The following ISM1 variants were observed in gnomAD, a reference collection of about 807,000 sequenced individuals.
The protein encoded by ISM1 is isthmin-1.
Under a neutral mutation model 46.3 loss-of-function variants are expected in ISM1, and 25 were observed. That is an observed-to-expected ratio of 0.54 (90% CI 0.39 to 0.75). ISM1 has a LOEUF of 0.75. ISM1 is among the 30% of genes least tolerant of loss of function. The probability of loss-of-function intolerance (pLI) is 0.00; values close to 1 mark genes in which losing one functional copy is unlikely to be tolerated. For synonymous variants in ISM1, 255 were observed against 256.7 expected (o/e 0.99, Z 0.06); for missense variants, 536 against 625.4 (o/e 0.86, Z 1.52).
At chr20:13,305,620 T>C (rs1389699923), downstream of ISM1, among the ~76,000 whole-genome samples, 1 of 152,190 alleles carries the variant, frequency 6.6e-6, no homozygotes, top group Non-Finnish European at 1.5e-5. Context: ...GAAACATACA[T>C]CCATGTCTAC....
chr20:13,236,963 C>T (rs1247174270), intron 1 of ISM1, among the ~76,000 whole-genome samples: 1 of 152,144 alleles, frequency 6.6e-6, no homozygotes, highest in Non-Finnish European at 1.5e-5. Context: ...TGCAAGCTGT[C>T]GGTAGATCTA....
At chr20:13,275,216 A>G (rs914343547) in intron 2 of ISM1, among the ~76,000 whole-genome samples, 5 of 151,602 alleles carry the variant, frequency 3.3e-5, no homozygotes, top group Non-Finnish European at 7.3e-5. Context: ...AAAAATAGTC[A>G]TGTAAAGGCC....
chr20:13,309,152 C>A, the ISM1 span, among the ~76,000 whole-genome samples: 1 of 151,940 alleles, frequency 6.6e-6, no homozygotes, highest in Non-Finnish European at 1.5e-5. Context: ...ATCTGGACAC[C>A]AACATACATA....
chr20:13,281,434 C>A (rs766560574), intron 3 of ISM1, among the ~76,000 whole-genome samples: 8 of 152,204 alleles, frequency 5.3e-5, no homozygotes, highest in Non-Finnish European at 1.2e-4. Context: ...TTAAATAGTA[C>A]TTACCATGCA....
intron 1 of ISM1, among the ~76,000 whole-genome samples, chr20:13,230,622 G>T (rs961121748): frequency 1.3e-5 from 2 of 152,062 alleles, no homozygotes; most frequent in African/African-American, 4.8e-5. Flanking sequence ...ACAGCTAAGA[G>T]TGTCCCTCTG....
intron 1 of ISM1, among the ~76,000 whole-genome samples, chr20:13,235,014 C>G (rs900270571): frequency 3.3e-5 from 5 of 152,168 alleles, no homozygotes; most frequent in Admixed American, 6.5e-5. Context: ...TTGCAGGTCC[C>G]AGAAAGCACT....
At chr20:13,252,569 G>T (rs1011445254) in intron 1 of ISM1, among the ~76,000 whole-genome samples, 1 of 152,058 alleles carries the variant, frequency 6.6e-6, no homozygotes, top group Non-Finnish European at 1.5e-5. Context: ...TGACCAACAT[G>T]GTGAAACCCC....
chr20:13,225,377 T>A (rs2039511354), intron 1 of ISM1, among the ~76,000 whole-genome samples: 1 of 152,206 alleles, frequency 6.6e-6, no homozygotes, highest in Admixed American at 6.5e-5. Context: ...CTTTTAACAA[T>A]TTACATTTTC....
At chr20:13,285,286 G>A (rs1261562581) in intron 3 of ISM1, among the ~76,000 whole-genome samples, 2 of 150,952 alleles carry the variant, frequency 1.3e-5, no homozygotes, top group Non-Finnish European at 2.9e-5. Context: ...GTGAAACCTC[G>A]AAACAGCTTA....
At chr20:13,227,384 T>C (rs2123125766) in intron 1 of ISM1, among the ~76,000 whole-genome samples, 1 of 151,662 alleles carries the variant, frequency 6.6e-6, no homozygotes, top group South Asian at 2.1e-4. Context: ...TTTGTATTTT[T>C]AGTGGAGACA....
At chr20:13,306,527 C>T in the ISM1 span, among the ~76,000 whole-genome samples, 7 of 126,716 alleles carry the variant, frequency 5.5e-5, no homozygotes, top group Non-Finnish European at 1.1e-4. Context: ...TCTGTTTTCA[C>T]CTTTGGAGAG....
the ISM1 span, among the ~76,000 whole-genome samples, chr20:13,321,156 C>T: frequency 1.3e-5 from 2 of 148,426 alleles, no homozygotes; most frequent in Non-Finnish European, 3.0e-5. Flanking sequence ...GAGCTGAGAT[C>T]ATGCCACTAC....
chr20:13,247,517 G>GTGTGTGTGT (rs1555810245), intron 1 of ISM1, among the ~76,000 whole-genome samples: 1 of 139,806 alleles, frequency 7.2e-6, no homozygotes, highest in African/African-American at 2.7e-5. Context: ...CAAAGTGAGG[G>GTGTGTGTGT]GTGTGTGTGT....
the ISM1 span, among the ~76,000 whole-genome samples, chr20:13,320,593 C>G: frequency 6.6e-6 from 1 of 152,134 alleles, no homozygotes; most frequent in Non-Finnish European, 1.5e-5. Flanking sequence ...GAGAGAAAAA[C>G]AAAGTAACCA....
chr20:13,259,679 T>A, intron 1 of ISM1, among the ~76,000 whole-genome samples: 1 of 152,214 alleles, frequency 6.6e-6, no homozygotes, highest in South Asian at 2.1e-4. Context: ...CACTGAGTTA[T>A]TGTTTCTACT....
At position 13,299,538 on chromosome 20, in the gene ISM1, G is replaced by C; in HGVS notation, c.*79G>C. On this transcript the variant is annotated 3_prime_UTR_variant, in exon 6 of 6. Coordinates refer to ENST00000262487, the MANE Select transcript of ISM1 (RefSeq NM_080826.2). The surrounding 1 kb of genome is among the most constrained non-coding windows in gnomAD (Gnocchi z 5.8). ...CTGCACTGACGTGCCGACTGGCGCCGAGACCTTCATAGCTGCGGTCGTGTA... is the reference window on the plus strand; with the variant it reads ...CTGCACTGACGTGCCGACTGGCGCCCAGACCTTCATAGCTGCGGTCGTGTA... The C allele has an allele frequency of 1.5e-6, 2 of 1,308,484 alleles. No individual in the cohort carries two copies. Among genetic ancestry groups the C allele is most frequent in the Non-Finnish European group, 2.1e-6 (2 of 949,092 alleles). 81.1% of individuals were successfully genotyped at this position (1,308,484 alleles called of 1,614,324 possible).
chr20:13,260,382 A>C (rs957024349), intron 1 of ISM1, among the ~76,000 whole-genome samples: 6 of 152,236 alleles, frequency 3.9e-5, no homozygotes, highest in African/African-American at 1.2e-4. Context: ...GCTATTACCA[A>C]AAAAGCACCT....
the ISM1 span, among the ~76,000 whole-genome samples, chr20:13,311,569 T>G: frequency 3.9e-5 from 6 of 152,138 alleles, no homozygotes; most frequent in Non-Finnish European, 8.8e-5. Context: ...GTAAGGGAAA[T>G]GTGGTATGTT....
intron 1 of ISM1, among the ~76,000 whole-genome samples, chr20:13,223,097 T>C (rs1007363693): frequency 3.3e-5 from 5 of 150,884 alleles, no homozygotes; most frequent in African/African-American, 4.9e-5. Flanking sequence ...CGGGAGGTTG[T>C]AGTGAGCTGA....
Sources: allele counts gnomAD v4.1 joint callset (sites outside exome capture counted in the v4.1 genomes callset), GRCh38; gene constraint gnomAD v4.1.1; non-coding constraint Gnocchi (gnomAD v3.1); transcripts MANE v1.5; gene names NCBI Gene and HGNC (gene_info 2026-07-23, HGNC 2026-07-21).